TTC27: variants seen among roughly 807,000 people sequenced by gnomAD.
TTC27 encodes the protein tetratricopeptide repeat domain 27.
In TTC27, 79 loss-of-function variants were observed where a neutral mutation model predicts 115.9. The ratio of observed to expected loss-of-function variants is 0.68; its 90% CI spans 0.57 to 0.82. The LOEUF is 0.82. TTC27 is among the 40% of genes least tolerant of loss of function. The pLI is 0.00. For missense variants in TTC27, 1,054 were observed against 993.1 expected (o/e 1.06, Z -0.82); for synonymous variants, 401 against 356.0 (o/e 1.13, Z -1.42).
intron 10 of TTC27, among the ~76,000 whole-genome samples, chr2:32,714,190 G>T (rs6731914): frequency 0.014 from 1,966 of 140,262 alleles, 40 homozygotes; most frequent in African/African-American, 0.049. Flanking sequence ...ATGGAGTCTC[G>T]CTCTGTCGCC....
rs1428951672 is a variant in TTC27 at position 32,817,338 on chromosome 2, G to A, written c.2309-119G>A. ...CTTTTTCAACAATAAAAACTTTCCA[G>A]GTAGAAGTGTTTCTAAAGTATGTTA... is the stretch of plus-strand genomic sequence containing the variant. On this transcript the variant is annotated intron_variant, in intron 18 of 19. Transcript: ENST00000317907. The A allele has an allele frequency of 6.8e-6, 5 of 732,568 alleles. No individual in the cohort carries two copies. The African/African-American group carries it at 9.0e-5, about 13-fold the overall frequency. The allele number at this position is 732,568 out of a possible 1,614,324, so 45.4% of individuals were successfully genotyped here. A position where few individuals can be genotyped will look rare whatever the true frequency, so the allele number is the denominator to read the frequency against.
At chr2:32,667,414 CT>C (rs58456949) in intron 7 of TTC27, among the ~76,000 whole-genome samples, 5,498 of 126,996 alleles carry the variant, frequency 0.043, 132 homozygotes, top group African/African-American at 0.11. Flanking sequence ...CCCCCAACTA[CT>C]TTTTTTTTTT....
chr2:32,728,096 AGTGGC>A (rs1420497096), intron 10 of TTC27, among the ~76,000 whole-genome samples: 2 of 138,430 alleles, frequency 1.4e-5, no homozygotes, highest in Non-Finnish European at 3.0e-5. Flanking sequence ...GCTGGAGTGC[AGTGGC>A]GTGATCTCTG....
At chr2:32,636,556 G>T (rs138795982) in intron 3 of TTC27, among the ~76,000 whole-genome samples, 4 of 152,076 alleles carry the variant, frequency 2.6e-5, no homozygotes, top group Admixed American at 2.6e-4. Context: ...ACAGATTTGA[G>T]GTAATCTATA....
intron 5 of TTC27, among the ~76,000 whole-genome samples, chr2:32,650,672 T>C (rs1572476858): frequency 6.6e-6 from 1 of 152,138 alleles, no homozygotes; most frequent in Non-Finnish European, 1.5e-5. Flanking sequence ...AATTATCCTA[T>C]ATCCTATTGA....
chr2:32,705,036 T>G, intron 10 of TTC27: 1 of 415,808 alleles, frequency 2.4e-6, no homozygotes. Context: ...TATCTCTTGT[T>G]GAAATGTGAT....
At chr2:32,667,248 G>C (rs1665815576) in intron 7 of TTC27, among the ~76,000 whole-genome samples, 1 of 151,776 alleles carries the variant, frequency 6.6e-6, no homozygotes, top group Admixed American at 6.6e-5. Context: ...CATTATTGGG[G>C]GGGTGGTTGC....
chr2:32,636,363 A>G (rs963287477), intron 3 of TTC27, among the ~76,000 whole-genome samples: 7 of 152,012 alleles, frequency 4.6e-5, no homozygotes, highest in African/African-American at 1.7e-4. Context: ...ACAGGTGCTC[A>G]CCACCACGCC....
At chr2:32,689,441 A>G (rs910010986) in intron 9 of TTC27, among the ~76,000 whole-genome samples, 10 of 152,304 alleles carry the variant, frequency 6.6e-5, no homozygotes, top group Admixed American at 2.6e-4. Flanking sequence ...GAAGTACAAC[A>G]CAAACTATTC....
intron 2 of TTC27, among the ~76,000 whole-genome samples, chr2:32,631,451 A>T (rs1196048973): frequency 6.6e-6 from 1 of 152,204 alleles, no homozygotes; most frequent in Non-Finnish European, 1.5e-5. Flanking sequence ...CCCTTGGTTT[A>T]CCTTCTTCCA....
chr2:32,811,710 C>T (rs1671322104), intron 17 of TTC27, among the ~76,000 whole-genome samples: 1 of 152,210 alleles, frequency 6.6e-6, no homozygotes, highest in Non-Finnish European at 1.5e-5. Flanking sequence ...TGCCCTTTCT[C>T]ACAAGTGCGA....
rs1338587932 is a variant in TTC27, at chr2:32,630,764, G to T, written c.266+64G>T. 2.1e-6 allele frequency: 3 copies of T among 1,454,106 alleles called. No homozygotes were observed. In the East Asian group the frequency reaches 7.0e-5, roughly 34 times the overall value. 90.1% of individuals were successfully genotyped at this position (1,454,106 alleles called of 1,614,324 possible). ...AAATACATTTAATAGCACCTTGACAGGGTAAGGCCCTGATTTTAGCAGTTG... is the reference window on the plus strand; with the variant it reads ...AAATACATTTAATAGCACCTTGACATGGTAAGGCCCTGATTTTAGCAGTTG... On this transcript the variant is annotated intron_variant, in intron 2 of 19. Coordinates refer to ENST00000317907, the MANE Select transcript of TTC27 (RefSeq NM_017735.5).
chr2:32,733,920 TC>T lies in TTC27; in HGVS notation c.1327del (p.Gln443SerfsTer24). 1 of 1,607,392 alleles carries T rather than the reference TC, an allele frequency of 6.2e-7. No individual in the cohort carries two copies. The highest frequency in any genetic ancestry group is 2.2e-5 in the East Asian group (1 of 44,568). On this transcript the variant is annotated frameshift_variant and splice_region_variant, in exon 11 of 20. Transcript: ENST00000317907. LOFTEE classifies it high-confidence loss of function. The part of the protein sequence containing the change: ...CCQVPPHWAI[Q>X]RQLASLLFEL... Reference sequence around the variant, plus strand: ...GTCAAGTACCACCTCACTGGGCCATTCAGGTATTTCTGTTGTTTGTCATTGG... The same window carrying T: ...GTCAAGTACCACCTCACTGGGCCATTAGGTATTTCTGTTGTTTGTCATTGG...
chr2:32,655,883 A>T (rs1267494779), intron 5 of TTC27, among the ~76,000 whole-genome samples: 2 of 152,164 alleles, frequency 1.3e-5, no homozygotes. Flanking sequence ...ATGTATGGCT[A>T]CTTAAATTCA....
intron 10 of TTC27, chr2:32,704,842 AG>A (rs1667312059): frequency 2.1e-6 from 1 of 470,726 alleles, no homozygotes; most frequent in Admixed American, 2.4e-5. Context: ...GAAATGATGT[AG>A]TACTCTTCTT....
chr2:32,789,651 G>A (rs1239278914), intron 16 of TTC27, among the ~76,000 whole-genome samples: 1 of 151,972 alleles, frequency 6.6e-6, no homozygotes, highest in Non-Finnish European at 1.5e-5. Context: ...TGGGTGCAGT[G>A]GCTTCTACCT....
At chr2:32,802,829 T>G (rs1410857431) in intron 16 of TTC27, among the ~76,000 whole-genome samples, 1 of 152,160 alleles carries the variant, frequency 6.6e-6, no homozygotes, top group East Asian at 1.9e-4. Context: ...ATTCCCTTGG[T>G]TTTCTTCTCA....
At chr2:32,742,361 T>G (rs1469631901) in intron 12 of TTC27, among the ~76,000 whole-genome samples, 1 of 152,232 alleles carries the variant, frequency 6.6e-6, no homozygotes, top group African/African-American at 2.4e-5. Context: ...GATCAACTAA[T>G]TGAATAATAA....
rs70938359 is a variant in TTC27, at chr2:32,681,980, ATGTG to A, written c.1119+3102_1119+3105del. 5.4e-3 allele frequency among the ~76,000 whole-genome samples: 487 copies of A among 90,012 alleles called. 2 individuals are homozygous for A. Among genetic ancestry groups the A allele is most frequent in the East Asian group, 0.019 (41 of 2,158 alleles). The allele number at this position is 90,012 out of a possible 152,430, so 59.1% of individuals were successfully genotyped here. A position where few individuals can be genotyped will look rare whatever the true frequency, so the allele number is the denominator to read the frequency against. On this transcript the variant is annotated intron_variant, in intron 9 of 19. Coordinates refer to ENST00000317907, the MANE Select transcript of TTC27 (RefSeq NM_017735.5). ...TAATTATTTATATATATGTATATAT[ATGTG>A]TGTGTGTGTGTGTGTGTGTGTGTGT...
Sources: gnomAD v4.1 joint callset for allele counts (sites outside exome capture counted in the v4.1 genomes callset) on GRCh38, gnomAD v4.1.1 for gene constraint, MANE v1.5 for transcripts, NCBI Gene and HGNC (gene_info 2026-07-23, HGNC 2026-07-21) for gene names.